APBB2: variants seen among roughly 807,000 people sequenced by gnomAD.
The protein encoded by APBB2 is amyloid beta precursor protein binding family B member 2.
In APBB2, 38 loss-of-function variants were observed where a neutral mutation model predicts 82.5. The observed-to-expected ratio is 0.46, with a 90% confidence interval of 0.36 to 0.60. APBB2 has a LOEUF of 0.60. APBB2 is among the 20% of genes least tolerant of loss of function. The pLI is 0.00. For synonymous variants in APBB2, 341 were observed against 368.2 expected (o/e 0.93, Z 0.85); for missense variants, 772 against 972.3 (o/e 0.79, Z 2.74).
intron 6 of APBB2, among the ~76,000 whole-genome samples, chr4:41,004,224 T>C (rs1431613355): frequency 6.6e-6 from 1 of 152,082 alleles, no homozygotes; most frequent in Non-Finnish European, 1.5e-5. Flanking sequence ...CGGCCACAAA[T>C]TTCTATTGTT....
intron 12 of APBB2, among the ~76,000 whole-genome samples, chr4:40,849,182 A>G (rs1560692433): frequency 6.6e-6 from 1 of 152,210 alleles, no homozygotes; most frequent in East Asian, 1.9e-4. Flanking sequence ...AGCGCTTTTA[A>G]AATGACTTTG....
In APBB2 at chr4:40,857,722, G is replaced by A. The variant is rs1393510390; in HGVS notation, c.1530-27145C>T. Reference sequence around the variant, plus strand: ...TGGCCTCAAGTGAGCCGCCCGCCTCGGCCTCCCAAAGTGCTGGGATTACAG... The same window carrying A: ...TGGCCTCAAGTGAGCCGCCCGCCTCAGCCTCCCAAAGTGCTGGGATTACAG... On this transcript the variant is annotated intron_variant, in intron 12 of 17. Coordinates refer to ENST00000508593, the MANE Select transcript of APBB2 (RefSeq NM_004307.2). Among the ~76,000 whole-genome samples, 4 of 151,948 alleles carry A rather than the reference G, an allele frequency of 2.6e-5. No homozygotes were observed. In the South Asian group the frequency reaches 8.3e-4, roughly 32 times the overall value.
At chr4:40,934,751 T>C (rs1029445627) in intron 8 of APBB2, 52 bp from the exon 9 acceptor site, 4 of 1,284,522 alleles carry the variant, frequency 3.1e-6, no homozygotes, top group East Asian at 2.3e-5. Flanking sequence ...AGACCATTCA[T>C]TGCCTCAAAT....
intron 12 of APBB2, among the ~76,000 whole-genome samples, chr4:40,857,646 A>G (rs547237246): frequency 6.6e-6 from 1 of 151,628 alleles, no homozygotes; most frequent in East Asian, 2.0e-4. Flanking sequence ...AATTTTTCCT[A>G]TTTAGTAGAG....
At chr4:40,960,637 C>T (rs142408839) in intron 6 of APBB2, among the ~76,000 whole-genome samples, 2,394 of 151,868 alleles carry the variant, frequency 0.016, 65 homozygotes, top group African/African-American at 0.052. Flanking sequence ...TTAGTAGAGA[C>T]GGGGTTTCAC....
intron 1 of APBB2, among the ~76,000 whole-genome samples, chr4:41,154,277 T>C (rs1762954525): frequency 2.0e-5 from 3 of 152,238 alleles, no homozygotes; most frequent in African/African-American, 7.2e-5. Flanking sequence ...GAAACACTTC[T>C]CTGCCCAGCT....
chr4:41,011,632 T>C (rs1352457517), intron 6 of APBB2, among the ~76,000 whole-genome samples: 1 of 152,150 alleles, frequency 6.6e-6, no homozygotes, highest in Admixed American at 6.6e-5. Flanking sequence ...GGTTTCACCA[T>C]GTTGCCCAGG....
chr4:41,112,331 T>G (rs1223128665), intron 2 of APBB2, among the ~76,000 whole-genome samples: 1 of 152,330 alleles, frequency 6.6e-6, no homozygotes, highest in South Asian at 2.1e-4. Context: ...TCACTCCCAC[T>G]GCAATGCCTG....
At chr4:41,077,826 C>G (rs951251906) in intron 3 of APBB2, among the ~76,000 whole-genome samples, 3 of 152,112 alleles carry the variant, frequency 2.0e-5, no homozygotes, top group Non-Finnish European at 4.4e-5. Flanking sequence ...GGACAAATTC[C>G]AGGTCAACAG....
chr4:40,877,785 CAAG>C (rs1767293804), intron 12 of APBB2, among the ~76,000 whole-genome samples: 2 of 152,024 alleles, frequency 1.3e-5, no homozygotes, highest in Non-Finnish European at 2.9e-5. Flanking sequence ...AGGGAGGAGG[CAAG>C]AAGGATTTAG....
At chr4:41,052,664 T>C (rs1223000089) in intron 4 of APBB2, among the ~76,000 whole-genome samples, 1 of 152,192 alleles carries the variant, frequency 6.6e-6, no homozygotes, top group African/African-American at 2.4e-5. Context: ...TTCCTCTCGG[T>C]AAAATGAGGT....
intron 2 of APBB2, among the ~76,000 whole-genome samples, 195 bp from the exon 3 acceptor site, chr4:41,100,945 T>C (rs973026072): frequency 6.6e-6 from 1 of 152,242 alleles, no homozygotes; most frequent in African/African-American, 2.4e-5. Context: ...TAGATGGCAG[T>C]TCGATCTGTC....
chr4:41,131,560 G>C (rs1755984055), intron 2 of APBB2, among the ~76,000 whole-genome samples: 1 of 152,158 alleles, frequency 6.6e-6, no homozygotes, highest in Non-Finnish European at 1.5e-5. Flanking sequence ...TTGAAATATA[G>C]GGGTTATGAT....
chr4:40,983,766 C>T (rs1199180313), intron 6 of APBB2, among the ~76,000 whole-genome samples: 5 of 152,082 alleles, frequency 3.3e-5, no homozygotes, highest in South Asian at 2.1e-4. Context: ...TTGGTAAAGA[C>T]GGGGTTCCAC....
chr4:41,159,951 GAA>G (rs1228389081), intron 1 of APBB2, among the ~76,000 whole-genome samples: 18 of 84,242 alleles, frequency 2.1e-4, no homozygotes, highest in East Asian at 2.0e-3. Context: ...AGGAGAAGGA[GAA>G]GGAGAAGGAG....
chr4:40,887,572 G>A (rs1770677557), intron 12 of APBB2, among the ~76,000 whole-genome samples: 1 of 152,188 alleles, frequency 6.6e-6, no homozygotes, highest in Non-Finnish European at 1.5e-5. Context: ...AAAAGCAAAG[G>A]AAAGTAAAAA....
intron 1 of APBB2, among the ~76,000 whole-genome samples, chr4:41,147,744 C>T (rs2154025394): frequency 6.6e-6 from 1 of 152,174 alleles, no homozygotes; most frequent in South Asian, 2.1e-4. Context: ...ATGACTCAGA[C>T]TTTTTTGTTT....
At chr4:41,082,782 A>G (rs1738134359) in intron 3 of APBB2, among the ~76,000 whole-genome samples, 1 of 152,188 alleles carries the variant, frequency 6.6e-6, no homozygotes, top group Non-Finnish European at 1.5e-5. Context: ...CACAAAAGGA[A>G]AAATGGCAAC....
intron 2 of APBB2, among the ~76,000 whole-genome samples, chr4:41,137,795 A>T (rs1294621757): frequency 6.6e-6 from 1 of 152,160 alleles, no homozygotes; most frequent in Non-Finnish European, 1.5e-5. Flanking sequence ...ATATGCAAAA[A>T]ATAAAAATAA....
Sources: allele counts gnomAD v4.1 joint callset (sites outside exome capture counted in the v4.1 genomes callset), GRCh38; gene constraint gnomAD v4.1.1; transcripts MANE v1.5; gene names NCBI Gene and HGNC (gene_info 2026-07-23, HGNC 2026-07-21).